COPB2: variants seen among roughly 807,000 people sequenced by gnomAD.
The protein encoded by COPB2 is coat protein complex I subunit beta 2.
A neutral mutation model predicts 120.8 loss-of-function variants in COPB2; 16 were observed. That is an observed-to-expected ratio of 0.13 (90% CI 0.09 to 0.20). The LOEUF (loss-of-function observed/expected upper bound fraction) is 0.20. Ranked by LOEUF, COPB2 falls within the 10% of genes least tolerant of loss-of-function variation. The pLI is 1.00. For synonymous variants in COPB2, 332 were observed against 366.3 expected, an observed-to-expected ratio of 0.91 and a Z score of 1.07; for missense variants, 794 against 1,076.5, an observed-to-expected ratio of 0.74 and a Z score of 3.67.
intron 5 of COPB2, among the ~76,000 whole-genome samples, chr3:139,376,739 A>T (rs1941718575): frequency 6.6e-6 from 1 of 152,184 alleles, no homozygotes; most frequent in Non-Finnish European, 1.5e-5. Context: ...GAAATATTTT[A>T]ATTAATTAAT....
At chr3:139,369,400 C>T in intron 11 of COPB2, 33 bp from the exon 12 acceptor site, 1 of 1,605,868 alleles carries the variant, frequency 6.2e-7, no homozygotes, top group Non-Finnish European at 8.5e-7. Context: ...TTTGCTTAGG[C>T]ATTTTTGAGC....
chr3:139,363,325 C>T (rs73866099), intron 15 of COPB2, among the ~76,000 whole-genome samples: 3,207 of 152,232 alleles, frequency 0.021, 92 homozygotes, highest in African/African-American at 0.069. Context: ...GCCTAAACTC[C>T]GCCTGTAACG....
chr3:139,374,175 A>T, intron 7 of COPB2: 1 of 425,240 alleles, frequency 2.4e-6, no homozygotes, highest in Non-Finnish European at 4.2e-6. Context: ...TCATGACATA[A>T]CAGAGCCTGA....
intron 2 of COPB2, 53 bp from the exon 3 acceptor site, chr3:139,379,519 A>C: frequency 7.2e-7 from 1 of 1,397,184 alleles, no homozygotes; most frequent in Non-Finnish European, 1.0e-6. Context: ...ATAACCACAA[A>C]ATCTACTCTG....
At chr3:139,370,113 T>C (rs761749168) in intron 10 of COPB2, among the ~76,000 whole-genome samples, 2 of 152,192 alleles carry the variant, frequency 1.3e-5, no homozygotes, top group South Asian at 2.1e-4. Flanking sequence ...GCGGGGATGA[T>C]AGAAATGTTC....
chr3:139,369,433 T>C, intron 11 of COPB2, 23 bp downstream of exon 11: 2 of 1,602,020 alleles, frequency 1.2e-6, no homozygotes, highest in Non-Finnish European at 1.7e-6. Flanking sequence ...TTTAAAAATG[T>C]ATCATATGTA....
In COPB2 at chr3:139,369,510, T is replaced by C; in HGVS notation, c.1240A>G (p.Ile414Val). The C allele has an allele frequency of 6.2e-7, 1 of 1,612,330 alleles. No homozygotes were observed. The highest frequency in any genetic ancestry group is 8.5e-7 in the Non-Finnish European group (1 of 1,179,048). Residue 414 changes from isoleucine to valine, a missense_variant, in exon 11 of 22, where the codon ATA (isoleucine) becomes GTA (valine). Ile to Val is a conservative substitution (Grantham distance 29). Coordinates refer to ENST00000333188, the MANE Select transcript of COPB2 (RefSeq NM_004766.3). ...AIRESNSIVK[I>V]FKNFKEKKSF... is the part of the protein sequence containing the mutation. ...TTTTTTTCCTTAAAGTTCTTAAATA[T>C]CTTTACAATGCTGTTGCTCTCTCTT...
At chr3:139,375,720 G>A (rs1460372658) in intron 5 of COPB2, 106 bp from the exon 6 acceptor site, 2 of 1,275,490 alleles carry the variant, frequency 1.6e-6, no homozygotes, top group Admixed American at 3.1e-5. Flanking sequence ...GCCCAGGAGA[G>A]AAGAGCTATC....
At chr3:139,363,807 G>A (rs536930957) in intron 15 of COPB2, among the ~76,000 whole-genome samples, 2 of 152,272 alleles carry the variant, frequency 1.3e-5, no homozygotes, top group East Asian at 1.9e-4. Context: ...TATACAGGCT[G>A]CCAACCCGCC....
intron 5 of COPB2, among the ~76,000 whole-genome samples, chr3:139,377,122 G>T (rs1221047194): frequency 2.6e-5 from 4 of 152,190 alleles, no homozygotes; most frequent in Non-Finnish European, 5.9e-5. Flanking sequence ...TAAGCATCTA[G>T]GTCAGGTAAG....
Position 139,389,613 on chromosome 3 carries a change from A to G in COPB2, c.-63T>C, listed in dbSNP as rs1560024613. ...ACCGGCTACTCAGGCCTTGAGATAA[A>G]CCCACCGATCCACTGACCGTCAGAC... is the stretch of plus-strand genomic sequence containing the variant. On this transcript the variant is annotated 5_prime_UTR_variant, in exon 1 of 22. Transcript: ENST00000333188. 2 of 1,491,670 alleles carry G rather than the reference A, an allele frequency of 1.3e-6. No individual in the cohort carries two copies. Among genetic ancestry groups the G allele is most frequent in the East Asian group, 2.5e-5 (1 of 40,446 alleles). The allele number at this position is 1,491,670 out of a possible 1,614,324, so 92.4% of individuals were successfully genotyped here.
At chr3:139,384,556 C>G (rs1278337428) in intron 1 of COPB2, among the ~76,000 whole-genome samples, 3 of 152,184 alleles carry the variant, frequency 2.0e-5, no homozygotes, top group Non-Finnish European at 4.4e-5. Context: ...GTCATTGTTT[C>G]AAGTAAAGCT....
intron 15 of COPB2, among the ~76,000 whole-genome samples, chr3:139,363,758 G>A (rs1161940808): frequency 2.6e-5 from 4 of 152,184 alleles, no homozygotes; most frequent in Non-Finnish European, 2.9e-5. Context: ...CTTCAGGATG[G>A]CTTTATCATC....
At chr3:139,382,411 G>C (rs1227589724) in intron 2 of COPB2, 1 of 152,330 alleles carries the variant, frequency 6.6e-6, no homozygotes, top group African/African-American at 2.4e-5. Flanking sequence ...GTGGAACTGT[G>C]AGTCAATTAA....
In COPB2 at chr3:139,373,786, T is replaced by A; in HGVS notation, c.774A>T (p.Ser258=). 6.2e-7 allele frequency: 1 copy of A among 1,614,102 alleles called. No homozygotes were observed. ...GTGTGCTCTCAAGCCGGTAGGTGCT[T>A]GAATGCCAAATACGTACTGTTCCTA... ...SEDGTVRIWH[S]STYRLESTLN... Residue 258 remains serine (S), a synonymous_variant, in exon 8 of 22, where the codon TCA becomes TCT. Coordinates refer to ENST00000333188, the MANE Select transcript of COPB2 (RefSeq NM_004766.3).
intron 17 of COPB2, among the ~76,000 whole-genome samples, chr3:139,359,634 A>G (rs1941372629): frequency 6.6e-6 from 1 of 152,190 alleles, no homozygotes; most frequent in Non-Finnish European, 1.5e-5. Flanking sequence ...GAGTTAAGGC[A>G]GGTTAGATTA....
In COPB2 at chr3:139,373,959, T is replaced by A. The variant is rs974324487; in HGVS notation, c.752-151A>T. On this transcript the variant is annotated intron_variant, in intron 7 of 21. Coordinates refer to ENST00000333188, the MANE Select transcript of COPB2 (RefSeq NM_004766.3). ...AATTTTTTGACCTACTGTCTTTAAA[T>A]GATTTTTAAAAGCAACATAAACATA... 4 of 803,312 alleles carry A rather than the reference T, an allele frequency of 5.0e-6. No homozygotes were observed. The Admixed American group carries it at 8.9e-5, about 18-fold the overall frequency. The allele number at this position is 803,312 out of a possible 1,614,324, so 49.8% of individuals were successfully genotyped here.
chr3:139,377,971 A>AAC, intron 5 of COPB2, 70 bp downstream of exon 5: 1 of 1,365,612 alleles, frequency 7.3e-7, no homozygotes, highest in Non-Finnish European at 9.7e-7. Context: ...CTGACCAGTC[A>AAC]ACAGTAAAAC....
chr3:139,364,643 A>G (rs1941483346), intron 15 of COPB2, among the ~76,000 whole-genome samples: 2 of 152,230 alleles, frequency 1.3e-5, no homozygotes, highest in African/African-American at 4.8e-5. Context: ...TGCCTAGCAC[A>G]TTGTTAAGTG....
Sources: allele counts gnomAD v4.1 joint callset (sites outside exome capture counted in the v4.1 genomes callset), GRCh38; gene constraint gnomAD v4.1.1; transcripts MANE v1.5; gene names NCBI Gene and HGNC (gene_info 2026-07-23, HGNC 2026-07-21).